The following SYCP2 variants were observed in gnomAD, a reference collection of about 807,000 sequenced individuals.
SYCP2 encodes synaptonemal complex lateral element protein.
Under a neutral mutation model 211.3 loss-of-function variants are expected in SYCP2, and 55 were observed. That is an observed-to-expected ratio of 0.26 (90% CI 0.21 to 0.33). The LOEUF is 0.33. Among genes scored for constraint, SYCP2 ranks in the 10% least tolerant of loss-of-function variants. SYCP2 has a pLI of 1.00. For missense variants in SYCP2, 1,731 were observed against 1,752.0 expected (o/e 0.99, Z 0.21); for synonymous variants, 570 against 555.2 (o/e 1.03, Z -0.37).
At chr20:59,910,382 T>TC (rs950778535) in intron 14 of SYCP2, among the ~76,000 whole-genome samples, 44 of 131,892 alleles carry the variant, frequency 3.3e-4, no homozygotes, top group African/African-American at 1.3e-3. Flanking sequence ...TTATTTTTTT[T>TC]TTTTTTTTTT....
chr20:59,888,414 T>G (rs2145714412), intron 24 of SYCP2, among the ~76,000 whole-genome samples: 1 of 152,104 alleles, frequency 6.6e-6, no homozygotes, highest in East Asian at 1.9e-4. Context: ...CAATATAAAT[T>G]GATACACAAA....
At position 59,885,796 on chromosome 20, in the gene SYCP2, G is replaced by A; in HGVS notation, c.2529+132C>T. On this transcript the variant is annotated intron_variant, in intron 26 of 44. Coordinates refer to ENST00000357552, the MANE Select transcript of SYCP2 (RefSeq NM_014258.4). ...AGTACTTGCTATTAAACCTGTCAGT[G>A]GTTATCATTCATTTAGCAATATTCT... is the stretch of plus-strand genomic sequence containing the variant. 1.4e-5 allele frequency: 10 copies of A among 734,466 alleles called. No individual in the cohort carries two copies. In the South Asian group the frequency reaches 1.7e-4, roughly 13 times the overall value. The allele number at this position is 734,466 out of a possible 1,614,324, so 45.5% of individuals were successfully genotyped here. A position where few individuals can be genotyped will look rare whatever the true frequency, so the allele number is the denominator to read the frequency against.
chr20:59,889,624 T>C (rs1229840300), intron 24 of SYCP2, among the ~76,000 whole-genome samples: 3 of 152,046 alleles, frequency 2.0e-5, no homozygotes, highest in Non-Finnish European at 4.4e-5. Flanking sequence ...TATGTTCTTA[T>C]ATATAATAGG....
At chr20:59,887,769 T>C (rs907589230) in intron 24 of SYCP2, among the ~76,000 whole-genome samples, 2 of 151,616 alleles carry the variant, frequency 1.3e-5, no homozygotes, top group African/African-American at 2.4e-5. Context: ...ATCAATAAAA[T>C]TGATAAACCT....
rs773971037 is a variant in SYCP2 at position 59,880,970 on chromosome 20, T to C, written c.2768A>G (p.Lys923Arg). 3.3e-5 allele frequency: 48 copies of C among 1,454,690 alleles called. No homozygotes were observed. In the South Asian group the frequency reaches 6.1e-4, roughly 18 times the overall value. The allele number at this position is 1,454,690 out of a possible 1,614,324, so 90.1% of individuals were successfully genotyped here. Residue 923 changes from lysine (K) to arginine (R), a missense_variant, in exon 30 of 45, where the codon AAA (lysine) becomes AGA (arginine). Coordinates refer to ENST00000357552, the MANE Select transcript of SYCP2 (RefSeq NM_014258.4). ...TATTGAGATATTATAACTTACTTTT[T>C]TATCTTTTGTTTTGACAGAAGATTT... The part of the protein sequence containing the change: ...ELKSSVKTKD[K>R]KIITNHQKKN...
intron 15 of SYCP2, among the ~76,000 whole-genome samples, chr20:59,903,054 AACT>A (rs2060145727): frequency 1.3e-5 from 2 of 152,104 alleles, no homozygotes; most frequent in Admixed American, 1.3e-4. Flanking sequence ...ATGGTATTAG[AACT>A]ACTTCAAATT....
At chr20:59,870,215 T>A (rs1227488255) in intron 35 of SYCP2, among the ~76,000 whole-genome samples, 1 of 151,762 alleles carries the variant, frequency 6.6e-6, no homozygotes, top group Non-Finnish European at 1.5e-5. Context: ...ACAGTTTCTA[T>A]GCTCCAGAGG....
chr20:59,901,795 T>G lies in SYCP2; in HGVS notation c.1049A>C (p.Lys350Thr). The part of the protein sequence containing the change: ...IYSIEVRESK[K>T]LLTIILKNTV... ...ATTTTTCAGAATTATTGTCAGTAGC[T>G]TCTTTGATTCTCTCACTGTATAGAA... The change falls in exon 16 of 45, where the codon AAG (lysine) becomes ACG (threonine). Residue 350 changes from lysine to threonine, a missense_variant. Coordinates refer to ENST00000357552, the MANE Select transcript of SYCP2 (RefSeq NM_014258.4). 1 of 1,595,902 alleles carries G rather than the reference T, an allele frequency of 6.3e-7. No individual in the cohort carries two copies.
rs751594451 is a variant in SYCP2 at position 59,869,811 on chromosome 20, T to C, written c.3728A>G (p.Gln1243Arg). ...TCCCACACTTACCTCTCTTTTGCTT[T>C]GTATATAATTTTCATTGATATGTGG... ...ESPHINENYI[Q>R]SKREESHLAS... Residue 1243 changes from glutamine (Q) to arginine (R), a missense_variant, in exon 36 of 45, where the codon CAA (glutamine) becomes CGA (arginine). Gln to Arg is a conservative substitution (Grantham distance 43). Transcript: ENST00000357552. The C allele has an allele frequency of 7.5e-6, 12 of 1,601,166 alleles. No homozygotes were observed. The Middle Eastern group carries it at 5.2e-4, about 69-fold the overall frequency.
chr20:59,906,883 A>C (rs2060223774), intron 15 of SYCP2, among the ~76,000 whole-genome samples: 1 of 152,210 alleles, frequency 6.6e-6, no homozygotes, highest in African/African-American at 2.4e-5. Flanking sequence ...GAATGGCCAG[A>C]AAGCACATGA....
intron 3 of SYCP2, 95 bp from the exon 4 acceptor site, chr20:59,921,548 C>CGGT: frequency 2.4e-6 from 2 of 843,068 alleles, no homozygotes; most frequent in Non-Finnish European, 3.3e-6. Context: ...CACATGAAAA[C>CGGT]TCTCAAATGA....
At chr20:59,873,346 T>TA (rs1330354238) in intron 35 of SYCP2, among the ~76,000 whole-genome samples, 2 of 152,134 alleles carry the variant, frequency 1.3e-5, no homozygotes, top group Non-Finnish European at 1.5e-5. Flanking sequence ...GCAATACCTC[T>TA]ACAGTTGATC....
intron 14 of SYCP2, among the ~76,000 whole-genome samples, chr20:59,908,062 C>T (rs187907919): frequency 0.014 from 2,073 of 152,074 alleles, 57 homozygotes; most frequent in African/African-American, 0.047. Flanking sequence ...CTGGCTAACA[C>T]GGTGAAACCC....
chr20:59,895,776 G>T (rs1056318276), intron 19 of SYCP2, among the ~76,000 whole-genome samples, 179 bp from the exon 20 acceptor site: 2 of 152,022 alleles, frequency 1.3e-5, no homozygotes, highest in Non-Finnish European at 2.9e-5. Flanking sequence ...GGAAAAATTT[G>T]CAGGAAGGGT....
At chr20:59,905,366 C>T (rs890814425) in intron 15 of SYCP2, among the ~76,000 whole-genome samples, 1 of 152,040 alleles carries the variant, frequency 6.6e-6, no homozygotes, top group African/African-American at 2.4e-5. Context: ...TACAAATGCT[C>T]ACTAACAGGT....
At chr20:59,904,727 G>A (rs997177306) in intron 15 of SYCP2, among the ~76,000 whole-genome samples, 4 of 152,138 alleles carry the variant, frequency 2.6e-5, no homozygotes, top group East Asian at 1.9e-4. Flanking sequence ...ACACCTGAGG[G>A]TGGGAAACTT....
rs769313849 is a variant in SYCP2 at position 59,896,466 on chromosome 20, T to A, written c.1467A>T (p.Arg489Ser). 1.2e-6 allele frequency: 2 copies of A among 1,609,374 alleles called. No homozygotes were observed. The highest frequency in any genetic ancestry group is 4.5e-5 in the East Asian group (2 of 44,720). Reference sequence around the variant, plus strand: ...AAAGCACTGGACTTCTCATAGTGTATCTATCTGCACCAGAAACAATCATTG... The same window carrying A: ...AAAGCACTGGACTTCTCATAGTGTAACTATCTGCACCAGAAACAATCATTG... ...EASMIVSGAD[R>S]YTMRSPVLFS... is the part of the protein sequence containing the mutation. Residue 489 changes from arginine (R) to serine (S), a missense_variant, in exon 19 of 45, where the codon AGA (arginine) becomes AGT (serine). Arg to Ser is a moderately radical substitution (Grantham distance 110). Coordinates refer to ENST00000357552, the MANE Select transcript of SYCP2 (RefSeq NM_014258.4).
At chr20:59,906,233 T>C (rs1020271081) in intron 15 of SYCP2, among the ~76,000 whole-genome samples, 1 of 152,142 alleles carries the variant, frequency 6.6e-6, no homozygotes, top group Non-Finnish European at 1.5e-5. Context: ...AAAAGGCCTA[T>C]AATTTCCAAA....
intron 2 of SYCP2, among the ~76,000 whole-genome samples, chr20:59,926,154 G>T: frequency 6.6e-6 from 1 of 152,012 alleles, no homozygotes; most frequent in Admixed American, 6.6e-5. Context: ...ATTCCATAAG[G>T]GATGGAATTG....
Sources: gnomAD v4.1 joint callset for allele counts (sites outside exome capture counted in the v4.1 genomes callset) on GRCh38, gnomAD v4.1.1 for gene constraint, MANE v1.5 for transcripts, NCBI Gene and HGNC (gene_info 2026-07-23, HGNC 2026-07-21) for gene names.